Variants in ADAMTS19 observed in about 807,000 individuals in gnomAD.
ADAMTS19 encodes ADAM metallopeptidase with thrombospondin type 1 motif 19.
A neutral mutation model predicts 153.3 loss-of-function variants in ADAMTS19; 93 were observed. That is an observed-to-expected ratio of 0.61 (90% CI 0.51 to 0.72). The LOEUF is 0.72. ADAMTS19 is among the 30% of genes least tolerant of loss of function. The pLI, the probability that ADAMTS19 is intolerant of heterozygous loss-of-function variation, is 0.00. For synonymous variants in ADAMTS19, 600 were observed against 556.6 expected (o/e 1.08, Z -1.10); for missense variants, 1,482 against 1,552.1 (o/e 0.95, Z 0.76).
intron 7 of ADAMTS19, among the ~76,000 whole-genome samples, chr5:129,579,129 C>T (rs953102317): frequency 6.6e-6 from 1 of 152,194 alleles, no homozygotes; most frequent in Non-Finnish European, 1.5e-5. Flanking sequence ...TTAATGATCG[C>T]CATTCTAACT....
chr5:129,609,167 A>G (rs1308121401), intron 8 of ADAMTS19, among the ~76,000 whole-genome samples: 3 of 152,192 alleles, frequency 2.0e-5, no homozygotes, highest in African/African-American at 7.2e-5. Context: ...AATGTTAAAA[A>G]CTACCTATGT....
At chr5:129,682,638 T>C (rs1027595504) in intron 17 of ADAMTS19, among the ~76,000 whole-genome samples, 3 of 152,216 alleles carry the variant, frequency 2.0e-5, no homozygotes, top group Non-Finnish European at 4.4e-5. Context: ...ATATCATTTT[T>C]TAAAAACCCA....
At chr5:129,516,845 G>A (rs985593988) in intron 3 of ADAMTS19, among the ~76,000 whole-genome samples, 2 of 114,730 alleles carry the variant, frequency 1.7e-5, no homozygotes, top group African/African-American at 6.6e-5. Flanking sequence ...AGTTTGGTTT[G>A]TTCTTACTAT....
intron 19 of ADAMTS19, among the ~76,000 whole-genome samples, chr5:129,695,991 G>GC (rs1755534058): frequency 6.6e-6 from 1 of 152,084 alleles, no homozygotes; most frequent in Non-Finnish European, 1.5e-5. Context: ...ACAAAGAGTA[G>GC]GTATGGGGGA....
intron 7 of ADAMTS19, among the ~76,000 whole-genome samples, chr5:129,578,416 G>A (rs184214903): frequency 1.7e-4 from 25 of 144,884 alleles, no homozygotes; most frequent in South Asian, 1.6e-3. Flanking sequence ...GTACGTATAC[G>A]TACATATACC....
intron 4 of ADAMTS19, among the ~76,000 whole-genome samples, chr5:129,527,100 T>C (rs886176860): frequency 1.8e-4 from 28 of 151,964 alleles, no homozygotes; most frequent in African/African-American, 5.8e-4. Context: ...TGATTTCTGA[T>C]TGTAGAAATC....
intron 2 of ADAMTS19, among the ~76,000 whole-genome samples, chr5:129,502,316 T>C (rs1751132676): frequency 6.6e-6 from 1 of 152,058 alleles, no homozygotes; most frequent in Non-Finnish European, 1.5e-5. Flanking sequence ...AGAATGTAAG[T>C]AAAAATTTAA....
intron 8 of ADAMTS19, among the ~76,000 whole-genome samples, chr5:129,619,407 A>G (rs917822325): frequency 1.2e-4 from 18 of 152,218 alleles, no homozygotes; most frequent in South Asian, 2.1e-4. Flanking sequence ...TATGATACCT[A>G]GAAAATGCTA....
chr5:129,629,836 T>C (rs887835893), intron 10 of ADAMTS19, among the ~76,000 whole-genome samples: 2 of 152,070 alleles, frequency 1.3e-5, no homozygotes, highest in Non-Finnish European at 2.9e-5. Context: ...TGTAATAGCT[T>C]CCTGAAATTA....
chr5:129,708,290 T>G (rs1036814955), intron 21 of ADAMTS19, among the ~76,000 whole-genome samples: 1 of 152,178 alleles, frequency 6.6e-6, no homozygotes, highest in African/African-American at 2.4e-5. Context: ...GTGGCTGCTT[T>G]GCCCTGGCTT....
chr5:129,629,068 TACAAA>T (rs1752177811), intron 10 of ADAMTS19, among the ~76,000 whole-genome samples: 2 of 152,092 alleles, frequency 1.3e-5, no homozygotes, highest in Admixed American at 1.3e-4. Flanking sequence ...CTAAGTGCTA[TACAAA>T]ACAAATCTCC....
At chr5:129,570,897 C>G (rs1206325063) in intron 7 of ADAMTS19, among the ~76,000 whole-genome samples, 1 of 151,800 alleles carries the variant, frequency 6.6e-6, no homozygotes, top group Non-Finnish European at 1.5e-5. Flanking sequence ...CTCTCAGAAG[C>G]CTGTGAATAG....
chr5:129,579,129 C>A (rs953102317), intron 7 of ADAMTS19, among the ~76,000 whole-genome samples: 1 of 152,310 alleles, frequency 6.6e-6, no homozygotes, highest in South Asian at 2.1e-4. Flanking sequence ...TTAATGATCG[C>A]CATTCTAACT....
chr5:129,530,484 G>A (rs1355189616), intron 6 of ADAMTS19, among the ~76,000 whole-genome samples: 1 of 151,956 alleles, frequency 6.6e-6, no homozygotes, highest in African/African-American at 2.4e-5. Context: ...GGGAGCAGAG[G>A]GAACATTGAA....
chr5:129,532,394 A>G (rs1050742051), intron 6 of ADAMTS19, among the ~76,000 whole-genome samples: 2 of 152,318 alleles, frequency 1.3e-5, no homozygotes, highest in East Asian at 1.9e-4. Flanking sequence ...TACTCAGGAA[A>G]ATGCAAATTA....
At chr5:129,652,708 G>C (rs1336061728) in intron 13 of ADAMTS19, among the ~76,000 whole-genome samples, 6 of 152,150 alleles carry the variant, frequency 3.9e-5, no homozygotes, top group Non-Finnish European at 5.9e-5. Flanking sequence ...ATTTTTATCT[G>C]AATTTTTGCT....
intron 2 of ADAMTS19, among the ~76,000 whole-genome samples, chr5:129,488,738 C>A (rs1477086700): frequency 1.3e-5 from 2 of 151,918 alleles, no homozygotes; most frequent in Non-Finnish European, 2.9e-5. Context: ...AAGATTATTA[C>A]CTGAAAAATG....
chr5:129,675,602 TTA>T (rs1442151741), intron 16 of ADAMTS19, among the ~76,000 whole-genome samples: 2 of 152,144 alleles, frequency 1.3e-5, no homozygotes, highest in Non-Finnish European at 2.9e-5. Context: ...ATTACAGTTA[TTA>T]TATATATTTT....
rs1757754997 is a variant in ADAMTS19, at chr5:129,738,232, G to A, written c.*1014G>A. ...AAAAATTAAAAAGTTTTACAATTAT[G>A]TGAAACGTTCAAAAGCCAGCTTAAA... is the stretch of plus-strand genomic sequence containing the variant. On this transcript the variant is annotated 3_prime_UTR_variant, in exon 23 of 23. Transcript: ENST00000274487. The A allele has an allele frequency of 6.6e-6, 1 of 151,924 alleles. No individual in the cohort carries two copies. The highest frequency in any genetic ancestry group is 6.6e-5 in the Admixed American group (1 of 15,202). The allele number at this position is 151,924 out of a possible 1,614,324, so 9.4% of individuals were successfully genotyped here.
Sources: gnomAD v4.1 joint callset for allele counts (sites outside exome capture counted in the v4.1 genomes callset) on GRCh38, gnomAD v4.1.1 for gene constraint, MANE v1.5 for transcripts, NCBI Gene and HGNC (gene_info 2026-07-23, HGNC 2026-07-21) for gene names.